MSRB3: variants seen among roughly 807,000 people sequenced by gnomAD.
MSRB3 encodes methionine sulfoxide reductase B3, also known as methionine-R-sulfoxide reductase B3.
A neutral mutation model predicts 21.0 loss-of-function variants in MSRB3; 13 were observed. The observed-to-expected ratio is 0.62, with a 90% confidence interval of 0.40 to 0.98. The LOEUF (loss-of-function observed/expected upper bound fraction) is 0.98, where lower values mean the gene tolerates loss of function less well. MSRB3 is among the 50% of genes least tolerant of loss of function. The pLI is 0.00. For missense variants in MSRB3, 199 were observed against 230.3 expected, an observed-to-expected ratio of 0.86 and a Z score of 0.88; for synonymous variants, 87 against 88.6, an observed-to-expected ratio of 0.98 and a Z score of 0.10.
chr12:65,281,254 A>C (rs955382174), intron 1 of MSRB3, among the ~76,000 whole-genome samples: 34 of 152,128 alleles, frequency 2.2e-4, no homozygotes, highest in African/African-American at 7.7e-4. Flanking sequence ...CTGTATAATT[A>C]ATTTATCATA....
chr12:65,311,129 C>T (rs1873960002), intron 2 of MSRB3, among the ~76,000 whole-genome samples: 1 of 152,116 alleles, frequency 6.6e-6, no homozygotes, highest in African/African-American at 2.4e-5. Context: ...CTCACAAATA[C>T]ACTTTATGTT....
At chr12:65,338,965 T>A (rs934513363) in intron 4 of MSRB3, among the ~76,000 whole-genome samples, 10 of 152,012 alleles carry the variant, frequency 6.6e-5, no homozygotes, top group Non-Finnish European at 1.3e-4. Context: ...TAGTCCCAGT[T>A]ACTTGGGAGG....
intron 2 of MSRB3, among the ~76,000 whole-genome samples, chr12:65,324,786 G>A (rs1413794990): frequency 6.6e-6 from 1 of 152,192 alleles, no homozygotes; most frequent in Admixed American, 6.5e-5. Flanking sequence ...TTAGGAAATT[G>A]CAATCCAATA....
intron 2 of MSRB3, among the ~76,000 whole-genome samples, chr12:65,320,369 T>A (rs1159586815): frequency 6.6e-6 from 1 of 152,222 alleles, no homozygotes; most frequent in Non-Finnish European, 1.5e-5. Context: ...GAATGTTTTT[T>A]AAAAATAGAA....
intron 5 of MSRB3, among the ~76,000 whole-genome samples, chr12:65,409,106 C>T (rs1433611539): frequency 6.6e-6 from 1 of 151,466 alleles, no homozygotes; most frequent in African/African-American, 2.4e-5. Context: ...CTGTTAATTA[C>T]AGCAATATAT....
chr12:65,345,408 AACTC>A (rs370293741), intron 4 of MSRB3, among the ~76,000 whole-genome samples: 136 of 152,188 alleles, frequency 8.9e-4, no homozygotes, highest in Non-Finnish European at 1.1e-3. Context: ...TTTATCATAA[AACTC>A]ATGGAGCCTA....
At position 65,346,849 on chromosome 12, in the gene MSRB3, T is replaced by C. The variant is rs535004547; in HGVS notation, c.263+18246T>C. ...ACCATTTATTAAATAGGGAATCCTT[T>C]CCCCATTTCTTGTTTTTGTCAGGTT... On this transcript the variant is annotated intron_variant, in intron 4 of 6. Coordinates refer to ENST00000308259, the MANE Select transcript of MSRB3 (RefSeq NM_001031679.3). 1.8e-3 allele frequency among the ~76,000 whole-genome samples: 279 copies of C among 152,296 alleles called. 2 individuals carry two copies. Among genetic ancestry groups the C allele is most frequent in the Non-Finnish European group, 2.7e-3 (186 of 68,020 alleles).
intron 2 of MSRB3, among the ~76,000 whole-genome samples, chr12:65,313,599 T>C (rs1874117767): frequency 6.6e-6 from 1 of 152,082 alleles, no homozygotes; most frequent in Non-Finnish European, 1.5e-5. Flanking sequence ...GGACCTCTGT[T>C]CTAAAAGATG....
chr12:65,418,127 G>A (rs1881077544), intron 5 of MSRB3, among the ~76,000 whole-genome samples: 1 of 152,070 alleles, frequency 6.6e-6, no homozygotes. Context: ...ATCTTGGGAC[G>A]GAGTTTTGCT....
intron 4 of MSRB3, among the ~76,000 whole-genome samples, chr12:65,363,535 CT>C (rs1195608709): frequency 3.9e-5 from 6 of 152,170 alleles, no homozygotes; most frequent in South Asian, 2.1e-4. Context: ...AGTGTCTACC[CT>C]TTCTGGCTTA....
At chr12:65,367,019 G>A (rs537225872) in intron 4 of MSRB3, among the ~76,000 whole-genome samples, 5 of 152,286 alleles carry the variant, frequency 3.3e-5, no homozygotes. Flanking sequence ...TGGGCAGTAT[G>A]TCCAATGAAA....
rs570439601 is a variant in MSRB3, at chr12:65,304,188, A to AC, written c.-51-4338dup. Among the ~76,000 whole-genome samples the AC allele has an allele frequency of 9.2e-5, 14 of 152,226 alleles. 1 individual carries two copies. In the South Asian group the frequency reaches 1.7e-3, roughly 18 times the overall value. Reference sequence around the variant, plus strand: ...GCCATATCTATTGAAGACTTCTCAGACCCTTTATATTGGTTAGCATTTCCA... The same window carrying AC: ...GCCATATCTATTGAAGACTTCTCAGACCCCTTTATATTGGTTAGCATTTCCA... On this transcript the variant is annotated intron_variant, in intron 1 of 6. Transcript: ENST00000308259.
chr12:65,454,076 A>G (rs2136703613), intron 6 of MSRB3: 5 of 629,130 alleles, frequency 7.9e-6, no homozygotes, highest in Non-Finnish European at 1.4e-5. Context: ...TTGAGGCCAG[A>G]AGTTCAAGAC....
At chr12:65,354,125 G>T (rs1877230786) in intron 4 of MSRB3, among the ~76,000 whole-genome samples, 1 of 151,996 alleles carries the variant, frequency 6.6e-6, no homozygotes. Context: ...CCCTTTGTGG[G>T]TAACCCGACC....
chr12:65,417,910 A>G (rs751479286), intron 5 of MSRB3, among the ~76,000 whole-genome samples: 3 of 152,174 alleles, frequency 2.0e-5, no homozygotes, highest in Non-Finnish European at 4.4e-5. Flanking sequence ...TGATTCCCAC[A>G]TCTTAGTTAT....
chr12:65,312,243 G>T (rs1465478614), intron 2 of MSRB3, among the ~76,000 whole-genome samples: 1 of 151,936 alleles, frequency 6.6e-6, no homozygotes, highest in African/African-American at 2.4e-5. Context: ...TTGACTTTAG[G>T]TTAATCAGAT....
chr12:65,356,158 A>G (rs1877370051), intron 4 of MSRB3, among the ~76,000 whole-genome samples: 1 of 151,956 alleles, frequency 6.6e-6, no homozygotes, highest in African/African-American at 2.4e-5. Context: ...CAGAAAATTT[A>G]TCTTTTTAGT....
chr12:65,296,095 A>C (rs149221882), intron 1 of MSRB3, among the ~76,000 whole-genome samples: 2 of 152,364 alleles, frequency 1.3e-5, no homozygotes, highest in Non-Finnish European at 1.5e-5. Context: ...GCATACACAA[A>C]GTTACATCAC....
intron 5 of MSRB3, among the ~76,000 whole-genome samples, chr12:65,417,544 T>C (rs556593759): frequency 3.9e-5 from 6 of 152,280 alleles, no homozygotes; most frequent in South Asian, 4.2e-4. Context: ...AAGCATACCA[T>C]AGGTTGTTAT....
Sources: gnomAD v4.1 joint callset for allele counts (sites outside exome capture counted in the v4.1 genomes callset) on GRCh38, gnomAD v4.1.1 for gene constraint, MANE v1.5 for transcripts, NCBI Gene and HGNC (gene_info 2026-07-23, HGNC 2026-07-21) for gene names.